The following NUP210L variants were observed in gnomAD, a reference collection of about 807,000 sequenced individuals.
NUP210L encodes the protein nucleoporin 210 like, also known as nuclear pore membrane glycoprotein 210-like.
In NUP210L, 74 loss-of-function variants were observed where a neutral mutation model predicts 208.5. The observed-to-expected ratio is 0.35, with a 90% CI of 0.29 to 0.43. The LOEUF is 0.43. NUP210L is among the 20% of genes least tolerant of loss of function. The probability of loss-of-function intolerance (pLI) is 1.00; values close to 1 mark genes in which losing one functional copy is unlikely to be tolerated. For synonymous variants in NUP210L, 780 were observed against 816.9 expected (o/e 0.95, Z 0.77); for missense variants, 1,843 against 2,289.4 (o/e 0.81, Z 3.98).
At chr1:154,003,297 TC>T (rs1650323738) in intron 35 of NUP210L, among the ~76,000 whole-genome samples, 1 of 152,070 alleles carries the variant, frequency 6.6e-6, no homozygotes, top group Non-Finnish European at 1.5e-5. Flanking sequence ...AAGCTCTGCC[TC>T]CCAGGTTCAC....
At chr1:154,153,509 C>G (rs1659509261) in intron 1 of NUP210L, among the ~76,000 whole-genome samples, 1 of 152,176 alleles carries the variant, frequency 6.6e-6, no homozygotes, top group South Asian at 2.1e-4. Context: ...GGGCTTTCAT[C>G]ATGTTGGCCA....
At position 154,111,228 on chromosome 1, in the gene NUP210L, C is replaced by T. The variant is rs6664545; in HGVS notation, c.1620+6497G>A. Among the ~76,000 whole-genome samples the T allele has an allele frequency of 2.2e-3, 336 of 151,004 alleles. 16 individuals carry two copies. The highest frequency in any genetic ancestry group is 8.0e-3 in the African/African-American group (323 of 40,628). On this transcript the variant is annotated intron_variant, in intron 12 of 39. Coordinates refer to ENST00000368559, the Ensembl canonical transcript of NUP210L. ...TGAAACCCTATCTGTACTAAAAATA[C>T]GAAAATTAGCCAGGCGTGGTAGCAG...
chr1:154,079,327 T>C (rs1655192034), intron 16 of NUP210L: 1 of 151,906 alleles, frequency 6.6e-6, no homozygotes, highest in African/African-American at 2.4e-5. Context: ...TCTTGCTATA[T>C]TGCCCAGGCT....
chr1:153,996,232 C>T (rs527277773), intron 37 of NUP210L, among the ~76,000 whole-genome samples: 8 of 152,190 alleles, frequency 5.3e-5, no homozygotes, highest in Admixed American at 1.3e-4. Context: ...GCGGAGCTAG[C>T]AGTGAACCGA....
chr1:154,131,271 C>CA (rs71584177), intron 7 of NUP210L, among the ~76,000 whole-genome samples: 54,960 of 119,484 alleles, frequency 0.46, 11,686 homozygotes, highest in Non-Finnish European at 0.53. Flanking sequence ...GACTCCATCT[C>CA]AAAAAAAAAA....
At chr1:154,134,072 C>A (rs990110681) in intron 7 of NUP210L, among the ~76,000 whole-genome samples, 2 of 150,832 alleles carry the variant, frequency 1.3e-5, no homozygotes, top group African/African-American at 4.9e-5. Context: ...ATAACTCGAA[C>A]CTGGGAGGCG....
intron 17 of NUP210L, among the ~76,000 whole-genome samples, chr1:154,066,152 A>G (rs887518507): frequency 6.6e-6 from 1 of 152,148 alleles, no homozygotes; most frequent in African/African-American, 2.4e-5. Context: ...TTATAGCACT[A>G]AATACCCACA....
At chr1:154,080,538 C>T (rs1327747812) in intron 16 of NUP210L, among the ~76,000 whole-genome samples, 2 of 150,610 alleles carry the variant, frequency 1.3e-5, no homozygotes, top group Non-Finnish European at 3.0e-5. Flanking sequence ...CAAAAAATTT[C>T]CCAAGCACGG....
intron 16 of NUP210L, among the ~76,000 whole-genome samples, chr1:154,077,153 T>C (rs911708846): frequency 1.3e-5 from 2 of 152,020 alleles, no homozygotes; most frequent in Admixed American, 1.3e-4. Flanking sequence ...GGCAGGTGGA[T>C]TGCCTGAGCT....
intron 7 of NUP210L, among the ~76,000 whole-genome samples, chr1:154,135,425 CTTT>C (rs1210397395): frequency 6.9e-6 from 1 of 144,442 alleles, no homozygotes; most frequent in Non-Finnish European, 1.5e-5. Flanking sequence ...GTATTATAAT[CTTT>C]TTTTTTTTTT....
At chr1:154,125,622 A>AAGGAAGG (rs1657862621) in intron 10 of NUP210L, among the ~76,000 whole-genome samples, 3 of 57,370 alleles carry the variant, frequency 5.2e-5, no homozygotes, top group Non-Finnish European at 1.0e-4. Context: ...GCCCTCTCTG[A>AAGGAAGG]AAGGAAGGAA....
chr1:154,100,980 C>T (rs1366224722), intron 13 of NUP210L, among the ~76,000 whole-genome samples: 2 of 151,764 alleles, frequency 1.3e-5, no homozygotes, highest in Non-Finnish European at 2.9e-5. Context: ...CGAGACCAGC[C>T]TGACCAACAT....
exon 6 of NUP210L, chr1:154,138,125 C>G: frequency 6.7e-7 from 1 of 1,502,614 alleles, no homozygotes; most frequent in Non-Finnish European, 8.8e-7. Flanking sequence ...TCCCTTGAAC[C>G]ATTTTTGCAA....
At chr1:154,075,496 C>G (rs1654983942) in intron 16 of NUP210L, among the ~76,000 whole-genome samples, 2 of 151,964 alleles carry the variant, frequency 1.3e-5, no homozygotes, top group South Asian at 4.1e-4. Context: ...TAAGCAGAGA[C>G]TTTTAGTGGC....
chr1:154,046,133 C>A (rs779756687), exon 27 of NUP210L: 1 of 1,613,948 alleles, frequency 6.2e-7, no homozygotes, highest in Non-Finnish European at 8.5e-7. Flanking sequence ...GAATGTGAGC[C>A]CAGGATTAGC....
At chr1:154,023,377 A>G in intron 30 of NUP210L, 80 bp from the exon 31 acceptor site, 4 of 1,114,990 alleles carry the variant, frequency 3.6e-6, no homozygotes, top group Non-Finnish European at 5.1e-6. Context: ...CTTATAATCA[A>G]TGATAAAGAG....
chr1:153,992,866 A>T, exon 40 of NUP210L: 1 of 1,613,398 alleles, frequency 6.2e-7, no homozygotes, highest in Non-Finnish European at 8.5e-7. Context: ...CCAATGTTGC[A>T]GCCGACTTTG....
At chr1:154,067,765 A>G (rs1654490278) in intron 17 of NUP210L, among the ~76,000 whole-genome samples, 1 of 152,234 alleles carries the variant, frequency 6.6e-6, no homozygotes, top group East Asian at 1.9e-4. Context: ...TATAAAATCA[A>G]TGTGCAAAAA....
chr1:154,125,884 C>T (rs1004118754), intron 10 of NUP210L, among the ~76,000 whole-genome samples: 3 of 148,240 alleles, frequency 2.0e-5, no homozygotes, highest in Non-Finnish European at 4.5e-5. Flanking sequence ...TCTCCTGCCT[C>T]AGCCTCCCAA....
Sources: allele counts gnomAD v4.1 joint callset (sites outside exome capture counted in the v4.1 genomes callset), GRCh38; gene constraint gnomAD v4.1.1; transcripts MANE v1.5; gene names NCBI Gene and HGNC (gene_info 2026-07-23, HGNC 2026-07-21).